Variants in PLCL1 observed in about 807,000 individuals in gnomAD.
PLCL1 encodes inactive phospholipase C-like protein 1.
A neutral mutation model predicts 84.4 loss-of-function variants in PLCL1; 41 were observed. The ratio of observed to expected loss-of-function variants is 0.49; its 90% CI spans 0.38 to 0.63. The LOEUF (loss-of-function observed/expected upper bound fraction) is 0.63, where lower values mean the gene tolerates loss of function less well. Ranked by LOEUF, PLCL1 falls within the 30% of genes least tolerant of loss-of-function variation. PLCL1 has a pLI of 0.00. For missense variants in PLCL1, 1,206 were observed against 1,367.8 expected (o/e 0.88, Z 1.87); for synonymous variants, 490 against 488.3 (o/e 1.00, Z -0.05).
chr2:198,129,860 C>T (rs869032078), intron 5 of PLCL1, among the ~76,000 whole-genome samples: 7 of 151,996 alleles, frequency 4.6e-5, no homozygotes, highest in African/African-American at 1.2e-4. Context: ...TCTTCTTCCC[C>T]GACACTCCAT....
chr2:197,933,164 T>G (rs1005000610), intron 1 of PLCL1, among the ~76,000 whole-genome samples: 1 of 152,192 alleles, frequency 6.6e-6, no homozygotes, highest in Non-Finnish European at 1.5e-5. Flanking sequence ...ATTCAGGAGC[T>G]AAATATCAAG....
intron 1 of PLCL1, 121 bp from the exon 2 acceptor site, chr2:198,083,637 G>A (rs1266987160): frequency 1.6e-6 from 1 of 624,126 alleles, no homozygotes; most frequent in Non-Finnish European, 2.7e-6. Flanking sequence ...GTAAACTTTA[G>A]GGTAGCCTCT....
chr2:198,052,858 C>A (rs1380572838), intron 1 of PLCL1, among the ~76,000 whole-genome samples: 5 of 152,116 alleles, frequency 3.3e-5, no homozygotes, highest in African/African-American at 1.2e-4. Context: ...AAATGAGGTA[C>A]CTCCCCCTTC....
intron 5 of PLCL1, among the ~76,000 whole-genome samples, chr2:198,129,783 A>T (rs911460369): frequency 6.6e-6 from 1 of 151,956 alleles, no homozygotes; most frequent in East Asian, 1.9e-4. Context: ...ACTTCTTAAC[A>T]GGGTTGTTTA....
intron 1 of PLCL1, among the ~76,000 whole-genome samples, chr2:197,912,396 G>A (rs1363695601): frequency 6.6e-6 from 1 of 151,410 alleles, no homozygotes; most frequent in African/African-American, 2.4e-5. Flanking sequence ...CGATTCCTCA[G>A]GGATCTAGAA....
chr2:198,033,693 C>T lies in PLCL1; in HGVS notation c.241-50065C>T, dbSNP rs150154328. ...CCTTTGTGTAACATTGGAAATCACC[C>T]ATCCCCTTTTCTGTTGGAAACTTTC... On this transcript the variant is annotated intron_variant, in intron 1 of 5. Coordinates refer to ENST00000428675, the MANE Select transcript of PLCL1 (RefSeq NM_006226.4). Among the ~76,000 whole-genome samples, 188 of 152,274 alleles carry T rather than the reference C, an allele frequency of 1.2e-3. 1 individual carries two copies. The highest frequency in any genetic ancestry group is 3.9e-3 in the African/African-American group (164 of 41,570).
At chr2:198,098,872 A>C (rs1693261065) in intron 3 of PLCL1, among the ~76,000 whole-genome samples, 1 of 152,130 alleles carries the variant, frequency 6.6e-6, no homozygotes, top group Admixed American at 6.6e-5. Context: ...CCCTTCAGTA[A>C]AGTTTTCTTT....
intron 1 of PLCL1, among the ~76,000 whole-genome samples, chr2:198,019,320 C>T (rs1691077798): frequency 6.6e-6 from 1 of 152,064 alleles, no homozygotes; most frequent in African/African-American, 2.4e-5. Flanking sequence ...ATCAGAATAC[C>T]TCTTATCTTC....
chr2:197,951,510 G>T (rs1335221150), intron 1 of PLCL1, among the ~76,000 whole-genome samples: 1 of 152,124 alleles, frequency 6.6e-6, no homozygotes, highest in Non-Finnish European at 1.5e-5. Flanking sequence ...TGAAACCCAG[G>T]AGCTTCTGAC....
At chr2:197,999,925 A>G (rs1017302509) in intron 1 of PLCL1, among the ~76,000 whole-genome samples, 3 of 152,218 alleles carry the variant, frequency 2.0e-5, no homozygotes, top group Non-Finnish European at 4.4e-5. Context: ...TAGGTAGTGC[A>G]GTCACACATA....
chr2:197,878,575 A>C (rs528426138), intron 1 of PLCL1, among the ~76,000 whole-genome samples: 1 of 152,260 alleles, frequency 6.6e-6, no homozygotes, highest in East Asian at 1.9e-4. Context: ...TCCTCAAGTC[A>C]ATGGGGGATG....
chr2:198,121,727 A>G (rs1195877064), intron 5 of PLCL1, among the ~76,000 whole-genome samples: 2 of 152,098 alleles, frequency 1.3e-5, no homozygotes, highest in Non-Finnish European at 2.9e-5. Flanking sequence ...TATAATTTGA[A>G]GAACCTGGCC....
At chr2:197,983,421 C>T (rs954443317) in intron 1 of PLCL1, among the ~76,000 whole-genome samples, 13 of 151,734 alleles carry the variant, frequency 8.6e-5, no homozygotes, top group African/African-American at 2.9e-4. Context: ...TTTGTAGAGA[C>T]GGAGTCTCCC....
intron 1 of PLCL1, among the ~76,000 whole-genome samples, chr2:197,946,512 A>ATTT (rs1689274456): frequency 8.7e-6 from 1 of 115,034 alleles, no homozygotes; most frequent in Non-Finnish European, 1.9e-5. Context: ...GAAATTAAAA[A>ATTT]CAATTTTTTT....
chr2:197,892,608 A>G (rs1340506740), intron 1 of PLCL1, among the ~76,000 whole-genome samples: 1 of 152,224 alleles, frequency 6.6e-6, no homozygotes, highest in East Asian at 1.9e-4. Context: ...CTGGCGGTAG[A>G]CAGATGTTTG....
chr2:197,842,537 G>A (rs1687026867), intron 1 of PLCL1, among the ~76,000 whole-genome samples: 1 of 152,108 alleles, frequency 6.6e-6, no homozygotes. Flanking sequence ...TAATGTTCCA[G>A]CTTCAAAATT....
chr2:197,958,306 A>C (rs1397211543), intron 1 of PLCL1, among the ~76,000 whole-genome samples: 1 of 152,000 alleles, frequency 6.6e-6, no homozygotes, highest in Non-Finnish European at 1.5e-5. Context: ...CATTAGAAGA[A>C]GAATTGTCTT....
chr2:198,060,493 T>C (rs1018690990), intron 1 of PLCL1, among the ~76,000 whole-genome samples: 9 of 152,348 alleles, frequency 5.9e-5, no homozygotes, highest in African/African-American at 2.2e-4. Flanking sequence ...ATTTTCCTGC[T>C]GAGCTGACAC....
intron 1 of PLCL1, among the ~76,000 whole-genome samples, chr2:197,924,727 C>A (rs565443835): frequency 6.3e-4 from 95 of 151,906 alleles, no homozygotes; most frequent in African/African-American, 2.1e-3. Flanking sequence ...AATTTAGCAT[C>A]CTTCTTATCT....
Sources: allele counts gnomAD v4.1 joint callset (sites outside exome capture counted in the v4.1 genomes callset), GRCh38; gene constraint gnomAD v4.1.1; transcripts MANE v1.5; gene names NCBI Gene and HGNC (gene_info 2026-07-23, HGNC 2026-07-21).